ALPK1: variants seen among roughly 807,000 people sequenced by gnomAD.
ALPK1 encodes the protein alpha kinase 1, also known as alpha-protein kinase 1.
In ALPK1, 110 loss-of-function variants were observed where a neutral mutation model predicts 120.6. The ratio of observed to expected loss-of-function variants is 0.91; its 90% CI spans 0.78 to 1.07. The LOEUF (loss-of-function observed/expected upper bound fraction) is 1.07, where lower values mean the gene tolerates loss of function less well. Ranked by LOEUF, ALPK1 falls within the 50% of genes least tolerant of loss-of-function variation. The pLI is 0.00. For synonymous variants in ALPK1, 582 were observed against 560.3 expected (o/e 1.04, Z -0.55); for missense variants, 1,498 against 1,483.9 (o/e 1.01, Z -0.16).
chr4:112,298,725 G>A (rs1379967029), intron 1 of ALPK1, among the ~76,000 whole-genome samples: 1 of 152,160 alleles, frequency 6.6e-6, no homozygotes, highest in African/African-American at 2.4e-5. Context: ...ATAATACTGT[G>A]ATGAGCTTTG....
chr4:112,341,364 G>A lies in ALPK1; in HGVS notation c.-101+25512G>A, dbSNP rs149073650. Among the ~76,000 whole-genome samples, 4 of 152,226 alleles carry A rather than the reference G, an allele frequency of 2.6e-5. No individual in the cohort carries two copies. In the East Asian group the frequency reaches 7.7e-4, roughly 29 times the overall value. ...CTTCCTGACAATTTCCCCAATTGTCGCTTGTGACAAGGCTGTCATTAGGTG... is the reference window on the plus strand; with the variant it reads ...CTTCCTGACAATTTCCCCAATTGTCACTTGTGACAAGGCTGTCATTAGGTG... On this transcript the variant is annotated intron_variant, in intron 2 of 15. Transcript: ENST00000650871.
intron 2 of ALPK1, among the ~76,000 whole-genome samples, chr4:112,371,428 C>T (rs1019646637): frequency 1.3e-5 from 2 of 152,218 alleles, no homozygotes; most frequent in Non-Finnish European, 2.9e-5. Context: ...CAACTTTCTC[C>T]TTTTATCGCT....
At chr4:112,438,200 C>T (rs191737941) in intron 12 of ALPK1, among the ~76,000 whole-genome samples, 6 of 152,272 alleles carry the variant, frequency 3.9e-5, no homozygotes, top group Admixed American at 3.3e-4. Flanking sequence ...TTTGCTGACC[C>T]CCTTGTCTTA....
At chr4:112,401,877 C>A (rs1732929809) in intron 4 of ALPK1, among the ~76,000 whole-genome samples, 1 of 152,178 alleles carries the variant, frequency 6.6e-6, no homozygotes, top group African/African-American at 2.4e-5. Context: ...TCTGCATTTT[C>A]TATTGGTAAA....
rs548940762 is a variant in ALPK1 at position 112,400,270 on chromosome 4, T to A, written c.277-11557T>A. On this transcript the variant is annotated intron_variant, in intron 4 of 15. Coordinates refer to ENST00000650871, the MANE Select transcript of ALPK1 (RefSeq NM_025144.4). The stretch of plus-strand genomic sequence containing the variant: ...GATATAATGTAAAGAAGGATGAGAA[T>A]TGAATCTATAAGTAAGATATTGGTA... Among the ~76,000 whole-genome samples the A allele has an allele frequency of 1.6e-4, 24 of 152,276 alleles. No homozygotes were observed. The East Asian group carries it at 4.6e-3, about 29-fold the overall frequency.
chr4:112,422,096 G>A lies in ALPK1; in HGVS notation c.476-1848G>A, dbSNP rs972687867. ...GCTAAGTGACTAATGGGTGATCATCGTAGATAGCATGGATCCGCTGGACAA... is the reference window on the plus strand; with the variant it reads ...GCTAAGTGACTAATGGGTGATCATCATAGATAGCATGGATCCGCTGGACAA... On this transcript the variant is annotated intron_variant, in intron 5 of 15. Coordinates refer to ENST00000650871, the MANE Select transcript of ALPK1 (RefSeq NM_025144.4). Among the ~76,000 whole-genome samples, 8 of 152,156 alleles carry A rather than the reference G, an allele frequency of 5.3e-5. No individual in the cohort carries two copies. In the East Asian group the frequency reaches 5.8e-4, roughly 11 times the overall value.
chr4:112,354,981 G>A (rs377301540), intron 2 of ALPK1, among the ~76,000 whole-genome samples: 22 of 152,096 alleles, frequency 1.4e-4, no homozygotes, highest in African/African-American at 5.3e-4. Context: ...GAACTGTTGA[G>A]ATTTTGACTG....
rs1734494230 is a variant in ALPK1, at chr4:112,430,615, A to G, written c.1068A>G (p.Lys356=). 2 of 1,614,030 alleles carry G rather than the reference A, an allele frequency of 1.2e-6. No individual in the cohort carries two copies. Among genetic ancestry groups the G allele is most frequent in the Non-Finnish European group, 1.7e-6 (2 of 1,180,010 alleles). Residue 356 remains lysine, a synonymous_variant, in exon 11 of 16, where the codon AAA becomes AAG. Coordinates refer to ENST00000650871, the MANE Select transcript of ALPK1 (RefSeq NM_025144.4). ...AACAGGAGCTTCACAGCTTTGTCAA[A>G]GCTGCTTTCGGTCTCACCACAGTGC... ...TGKQELHSFV[K]AAFGLTTVHR...
chr4:112,424,053 A>T, intron 6 of ALPK1, 50 bp downstream of exon 6: 8 of 1,552,134 alleles, frequency 5.2e-6, no homozygotes, highest in Non-Finnish European at 7.1e-6. Flanking sequence ...CCCCGAACAG[A>T]GCACTCATTT....
intron 2 of ALPK1, among the ~76,000 whole-genome samples, chr4:112,346,900 C>T (rs1730126913): frequency 6.6e-6 from 1 of 152,126 alleles, no homozygotes; most frequent in African/African-American, 2.4e-5. Flanking sequence ...AATAACGACC[C>T]CACTTCTCAG....
At position 112,386,011 on chromosome 4, in the gene ALPK1, C is replaced by G. The variant is rs149925914; in HGVS notation, c.276+3459C>G. On this transcript the variant is annotated intron_variant, in intron 4 of 15. Coordinates refer to ENST00000650871, the MANE Select transcript of ALPK1 (RefSeq NM_025144.4). ...GTCTTTAATTCCACAAATAACAGAT[C>G]GAAGTTGAGAACAGAATGCTTAAGA... 4.6e-5 allele frequency among the ~76,000 whole-genome samples: 7 copies of G among 152,196 alleles called. No individual in the cohort carries two copies. In the East Asian group the frequency reaches 1.2e-3, roughly 25 times the overall value.
Position 112,316,691 on chromosome 4 carries a change from T to C in ALPK1, c.-101+839T>C, listed in dbSNP as rs541326875. On this transcript the variant is annotated intron_variant, in intron 2 of 15. Coordinates refer to ENST00000650871, the MANE Select transcript of ALPK1 (RefSeq NM_025144.4). ...TAATGGGTGTGAGGTAGTGTCTCAT[T>C]GTGCTTTTGATCTGCATTTCTGTAA... Among the ~76,000 whole-genome samples, 7 of 152,356 alleles carry C rather than the reference T, an allele frequency of 4.6e-5. No individual in the cohort carries two copies. In the East Asian group the frequency reaches 1.3e-3, roughly 29 times the overall value.
At chr4:112,316,416 C>T (rs1041325256) in intron 2 of ALPK1, 2 of 152,272 alleles carry the variant, frequency 1.3e-5, no homozygotes, top group African/African-American at 4.8e-5. Context: ...TCCATTCATC[C>T]GTTCAGTGGA....
At chr4:112,350,396 TCATGTACGTATCA>T (rs1250807008) in intron 2 of ALPK1, among the ~76,000 whole-genome samples, 1 of 152,238 alleles carries the variant, frequency 6.6e-6, no homozygotes, top group Non-Finnish European at 1.5e-5. Context: ...CATGCTGTTT[TCATGTACGTATCA>T]CACCAACATC....
chr4:112,322,778 G>A (rs1439737694), intron 2 of ALPK1, among the ~76,000 whole-genome samples: 2 of 152,040 alleles, frequency 1.3e-5, no homozygotes, highest in Non-Finnish European at 1.5e-5. Flanking sequence ...ACTCAAGAAC[G>A]AATTAAGTTC....
intron 4 of ALPK1, among the ~76,000 whole-genome samples, chr4:112,392,156 A>G (rs1457918886): frequency 6.6e-6 from 1 of 152,222 alleles, no homozygotes; most frequent in Non-Finnish European, 1.5e-5. Flanking sequence ...TCAAGAGCCC[A>G]CTAAATATTT....
At chr4:112,324,612 G>A (rs958929819) in intron 2 of ALPK1, among the ~76,000 whole-genome samples, 2 of 152,128 alleles carry the variant, frequency 1.3e-5, no homozygotes, top group Admixed American at 6.5e-5. Flanking sequence ...GAGTAGCTAA[G>A]ACTATAGGTA....
chr4:112,380,036 C>T (rs1731833148), intron 3 of ALPK1, among the ~76,000 whole-genome samples: 1 of 152,088 alleles, frequency 6.6e-6, no homozygotes, highest in Non-Finnish European at 1.5e-5. Flanking sequence ...ATTTCCTTTG[C>T]CATGTGACTG....
intron 2 of ALPK1, among the ~76,000 whole-genome samples, chr4:112,343,928 T>C (rs1729991060): frequency 6.6e-6 from 1 of 152,222 alleles, no homozygotes; most frequent in Non-Finnish European, 1.5e-5. Context: ...AAATCCAGTT[T>C]ACCTCAGAGG....
Sources: allele counts gnomAD v4.1 joint callset (sites outside exome capture counted in the v4.1 genomes callset), GRCh38; gene constraint gnomAD v4.1.1; transcripts MANE v1.5; gene names NCBI Gene and HGNC (gene_info 2026-07-23, HGNC 2026-07-21).